Variants in PARP8 observed in about 807,000 individuals in gnomAD.
The protein encoded by PARP8 is poly(ADP-ribose) polymerase family member 8, also known as protein mono-ADP-ribosyltransferase PARP8.
In PARP8, 51 loss-of-function variants were observed where a neutral mutation model predicts 124.1. The observed-to-expected ratio is 0.41, with a 90% CI of 0.33 to 0.52. The LOEUF is 0.52. Among genes scored for constraint, PARP8 ranks in the 20% least tolerant of loss-of-function variants. The pLI, the probability that PARP8 is intolerant of heterozygous loss-of-function variation, is 0.21. For missense variants in PARP8, 860 were observed against 1,018.9 expected (o/e 0.84, Z 2.12); for synonymous variants, 391 against 361.5 (o/e 1.08, Z -0.93).
intron 7 of PARP8, among the ~76,000 whole-genome samples, chr5:50,769,921 T>C (rs1398999352): frequency 2.6e-5 from 4 of 152,094 alleles, no homozygotes; most frequent in Non-Finnish European, 4.4e-5. Flanking sequence ...AGTAGGCATA[T>C]GTTTTTAGAA....
At chr5:50,722,324 A>C (rs1755975423) in intron 2 of PARP8, among the ~76,000 whole-genome samples, 1 of 152,110 alleles carries the variant, frequency 6.6e-6, no homozygotes, top group Admixed American at 6.6e-5. Flanking sequence ...CTAAGGTTAA[A>C]AGATATGGTA....
intron 2 of PARP8, among the ~76,000 whole-genome samples, chr5:50,700,925 A>C (rs1348297764): frequency 1.3e-5 from 2 of 151,914 alleles, no homozygotes; most frequent in East Asian, 3.9e-4. Context: ...TCCAAGCAGC[A>C]CTCCAGATCC....
intron 5 of PARP8, among the ~76,000 whole-genome samples, chr5:50,760,572 T>C (rs2149576209): frequency 6.6e-6 from 1 of 152,130 alleles, no homozygotes; most frequent in South Asian, 2.1e-4. Flanking sequence ...TAGAAAGAAA[T>C]GTCTGGTTTA....
intron 2 of PARP8, among the ~76,000 whole-genome samples, chr5:50,712,471 G>A (rs1370137932): frequency 6.6e-6 from 1 of 152,062 alleles, no homozygotes; most frequent in Non-Finnish European, 1.5e-5. Context: ...GTTAATATCA[G>A]ACAACATTTT....
intron 2 of PARP8, among the ~76,000 whole-genome samples, chr5:50,679,915 C>T (rs1057098498): frequency 6.6e-6 from 1 of 152,126 alleles, no homozygotes. Flanking sequence ...ACAAATACTT[C>T]CCATTTCCTG....
chr5:50,777,396 A>G (rs1348501383), intron 7 of PARP8, among the ~76,000 whole-genome samples: 1 of 152,206 alleles, frequency 6.6e-6, no homozygotes, highest in East Asian at 1.9e-4. Context: ...AATATCAAAA[A>G]TACAGATGTG....
intron 25 of PARP8, among the ~76,000 whole-genome samples, chr5:50,837,995 G>A (rs1327781946): frequency 6.6e-6 from 1 of 150,654 alleles, no homozygotes; most frequent in Non-Finnish European, 1.5e-5. Flanking sequence ...TGTGTACTAG[G>A]ACATTGAGAC....
chr5:50,710,843 TCTAA>T (rs1263543929), intron 2 of PARP8, among the ~76,000 whole-genome samples: 2 of 152,160 alleles, frequency 1.3e-5, no homozygotes, highest in African/African-American at 4.8e-5. Flanking sequence ...AATTTTTATA[TCTAA>T]CAGGTTCTAC....
chr5:50,693,179 T>C (rs561635459), intron 2 of PARP8, among the ~76,000 whole-genome samples: 92 of 152,326 alleles, frequency 6.0e-4, no homozygotes, highest in African/African-American at 2.2e-3. Flanking sequence ...CAACTGGCCA[T>C]AGATTCCCCT....
At chr5:50,737,461 A>G (rs576777996) in intron 2 of PARP8, among the ~76,000 whole-genome samples, 9 of 152,320 alleles carry the variant, frequency 5.9e-5, no homozygotes, top group Admixed American at 2.6e-4. Context: ...TGAGAATCAT[A>G]TGCTGTTTTA....
rs186656340 is a variant in PARP8 at position 50,821,159 on chromosome 5, A to G, written c.1669-54A>G. On this transcript the variant is annotated intron_variant, in intron 15 of 25. Coordinates refer to ENST00000281631, the MANE Select transcript of PARP8 (RefSeq NM_024615.4). ...TACCTTGAGAGGGAGAAACAATGGC[A>G]AAGCACTGGATAAAACCTGAAGGGT... 130 of 1,602,570 alleles carry G rather than the reference A, an allele frequency of 8.1e-5. No individual in the cohort carries two copies. In the East Asian group the frequency reaches 1.3e-3, roughly 16 times the overall value.
At chr5:50,668,362 T>C in intron 2 of PARP8, 2 of 549,938 alleles carry the variant, frequency 3.6e-6, no homozygotes, top group Non-Finnish European at 6.5e-6. Flanking sequence ...ACTCTTCATG[T>C]TGAAACTGTT....
rs778904659 is a variant in PARP8, at chr5:50,788,545, G to C, written c.693G>C (p.Gln231His). The C allele has an allele frequency of 1.1e-5, 17 of 1,613,312 alleles. No individual in the cohort carries two copies. The highest frequency in any genetic ancestry group is 1.4e-5 in the Non-Finnish European group (17 of 1,179,718). The change falls in exon 10 of 26, where the codon CAG becomes CAC. Residue 231 changes from glutamine to histidine, a missense_variant. Physicochemically the swap from Gln to His is conservative, Grantham distance 24 (BLOSUM62 0). Coordinates refer to ENST00000281631, the MANE Select transcript of PARP8 (RefSeq NM_024615.4). The stretch of plus-strand genomic sequence containing the variant: ...CAGTGCCCACTGTTGATGTCTTTCA[G>C]ATTTCCACAAAAGAGCGATTTGGAT... ...NGPVPTVDVF[Q>H]ISTKERFGLG... is the part of the protein sequence containing the mutation.
In PARP8 at chr5:50,795,405, T is replaced by C. The variant is rs1438454219; in HGVS notation, c.1416T>C (p.Ser472=). 1 of 1,592,382 alleles carries C rather than the reference T, an allele frequency of 6.3e-7. No individual in the cohort carries two copies. The highest frequency in any genetic ancestry group is 1.1e-5 in the South Asian group (1 of 87,356). The stretch of plus-strand genomic sequence containing the variant: ...TCCTAACACCATCTTCATCTTCATC[T>C]TCTCAGCTTGCTGTGCGTAAATATT... ...IGILTPSSSS[S]SQLAPNGAKC... Residue 472 remains serine (S), a synonymous_variant, in exon 12 of 26, where the codon TCT becomes TCC. Coordinates refer to ENST00000281631, the MANE Select transcript of PARP8 (RefSeq NM_024615.4).
chr5:50,711,052 T>C (rs1304632580), intron 2 of PARP8, among the ~76,000 whole-genome samples: 1 of 152,164 alleles, frequency 6.6e-6, no homozygotes, highest in African/African-American at 2.4e-5. Flanking sequence ...TTAACTACCT[T>C]GTGGTGAATT....
At chr5:50,834,112 A>G (rs1390661032) in intron 24 of PARP8, 64 bp downstream of exon 24, 6 of 1,310,854 alleles carry the variant, frequency 4.6e-6, no homozygotes, top group Non-Finnish European at 5.5e-6. Context: ...TTAAAAATAT[A>G]AGTATATTTA....
chr5:50,706,196 T>G (rs1190037807), intron 2 of PARP8, among the ~76,000 whole-genome samples: 1 of 152,204 alleles, frequency 6.6e-6, no homozygotes, highest in East Asian at 1.9e-4. Context: ...TATTTTAATT[T>G]GTACCTACTG....
rs282548 is a variant in PARP8 at position 50,760,601 on chromosome 5, A to G, written c.345+239A>G. Among the ~76,000 whole-genome samples the G allele has an allele frequency of 0.53, 80,385 of 151,832 alleles. 23,278 individuals carry two copies. The highest frequency in any genetic ancestry group is 0.64 in the East Asian group (3,320 of 5,154). ...TGGTTTAAATCTAAATAAAATGTAT[A>G]TAAAGCTTAATTTATTCTGTATTCT... On this transcript the variant is annotated intron_variant, in intron 5 of 25. Transcript: ENST00000281631.
intron 19 of PARP8, among the ~76,000 whole-genome samples, chr5:50,827,300 C>T (rs1007799531): frequency 6.6e-6 from 1 of 151,964 alleles, no homozygotes; most frequent in Non-Finnish European, 1.5e-5. Context: ...TCATTTTTGC[C>T]ATCTGTGAAT....
Sources: gnomAD v4.1 joint callset for allele counts (sites outside exome capture counted in the v4.1 genomes callset) on GRCh38, gnomAD v4.1.1 for gene constraint, MANE v1.5 for transcripts, NCBI Gene and HGNC (gene_info 2026-07-23, HGNC 2026-07-21) for gene names.